BTBD3: variants seen among roughly 807,000 people sequenced by gnomAD.
The protein encoded by BTBD3 is BTB/POZ domain-containing protein 3.
Under a neutral mutation model 41.6 loss-of-function variants are expected in BTBD3, and 14 were observed. The observed-to-expected ratio is 0.34, with a 90% CI of 0.22 to 0.53. The LOEUF (loss-of-function observed/expected upper bound fraction) is 0.53, where lower values mean the gene tolerates loss of function less well. Among genes scored for constraint, BTBD3 ranks in the 20% least tolerant of loss-of-function variants. The pLI is 0.95. For missense variants in BTBD3, 426 were observed against 654.7 expected (o/e 0.65, Z 3.81); for synonymous variants, 249 against 233.7 (o/e 1.07, Z -0.60).
Position 11,923,269 on chromosome 20 carries a change from G to C in BTBD3, c.1172G>C (p.Arg391Pro), listed in dbSNP as rs368565346. 1 of 1,614,204 alleles carries C rather than the reference G, an allele frequency of 6.2e-7. No homozygotes were observed. The highest frequency in any genetic ancestry group is 1.3e-5 in the African/African-American group (1 of 75,054). The change falls in exon 4 of 4, where the codon CGT (arginine) becomes CCT (proline). Residue 391 changes from arginine (R) to proline (P), a missense_variant. Physicochemically the swap from Arg to Pro is moderately radical, Grantham distance 103 (BLOSUM62 -2). Around this residue, in one of 3 missense-constraint regions of BTBD3, gnomAD observed 321 missense variants for 534.8 expected, o/e 0.60. Coordinates refer to ENST00000378226, the MANE Select transcript of BTBD3 (RefSeq NM_014962.4). The surrounding 1 kb of genome is among the most constrained non-coding windows in gnomAD (Gnocchi z 5.3). ...CAYRSNQWRY[R>P]GRCDSIQFAV... ...TATCGAAGCAACCAATGGCGCTATC[G>C]TGGTCGCTGTGACAGCATCCAGTTT...
chr20:11,893,626 T>G (rs1447966487), intron 1 of BTBD3, among the ~76,000 whole-genome samples: 1 of 152,262 alleles, frequency 6.6e-6, no homozygotes, highest in Non-Finnish European at 1.5e-5. Flanking sequence ...GTCCTTTGTT[T>G]ATTCAAATTA....
chr20:11,914,539 G>T (rs1353317857), upstream of BTBD3, among the ~76,000 whole-genome samples: 1 of 151,730 alleles, frequency 6.6e-6, no homozygotes, highest in Non-Finnish European at 1.5e-5. Context: ...CTGAATTCTT[G>T]ATAGAAAATA....
chr20:11,906,949 T>A (rs2056858569), intron 1 of BTBD3, among the ~76,000 whole-genome samples: 1 of 152,194 alleles, frequency 6.6e-6, no homozygotes, highest in Non-Finnish European at 1.5e-5. Context: ...TTTTTTTGGA[T>A]TATTCATGTG....
chr20:11,902,922 T>C (rs1359319752), intron 1 of BTBD3, among the ~76,000 whole-genome samples: 1 of 152,152 alleles, frequency 6.6e-6, no homozygotes, highest in African/African-American at 2.4e-5. Context: ...TCAATATATC[T>C]AGGCTGTGCA....
In BTBD3 at chr20:11,923,695, C is replaced by G. The variant is rs781378759; in HGVS notation, c.*29C>G. 1 of 1,560,148 alleles carries G rather than the reference C, an allele frequency of 6.4e-7. No homozygotes were observed. The highest frequency in any genetic ancestry group is 8.7e-7 in the Non-Finnish European group (1 of 1,152,014). ...CTCACTTCCTGAAGCAGCTTGAGCTCCAAAGTGCACATCTGGTTCCAACTT... is the reference window on the plus strand; with the variant it reads ...CTCACTTCCTGAAGCAGCTTGAGCTGCAAAGTGCACATCTGGTTCCAACTT... On this transcript the variant is annotated 3_prime_UTR_variant, in exon 4 of 4. Coordinates refer to ENST00000378226, the MANE Select transcript of BTBD3 (RefSeq NM_014962.4). The surrounding 1 kb of genome is among the most constrained non-coding windows in gnomAD (Gnocchi z 5.3).
chr20:11,917,044 G>A (rs1410856776), upstream of BTBD3, among the ~76,000 whole-genome samples: 1 of 152,064 alleles, frequency 6.6e-6, no homozygotes, highest in Non-Finnish European at 1.5e-5. Context: ...ATTTTGAATA[G>A]CCTTGTTATT....
Position 11,918,457 on chromosome 20 carries a change from A to T in BTBD3, c.182A>T (p.Lys61Met). 6.2e-7 allele frequency: 1 copy of T among 1,614,228 alleles called. No individual in the cohort carries two copies. The highest frequency in any genetic ancestry group is 1.1e-5 in the South Asian group (1 of 91,086). ...ATTACCTTGAAGACTAAAAAGAAGA[A>T]GATGGCTGCTGATATATTCCCCCGT... ...EIITLKTKKK[K>M]MAADIFPRKK... Residue 61 changes from lysine to methionine, a missense_variant, in exon 1 of 4, where the codon AAG becomes ATG. By Grantham distance (95) the Lys-to-Met change is moderately conservative. Transcript: ENST00000378226.
rs2056933857 is a variant in BTBD3, at chr20:11,918,279, G to A, written c.4G>A (p.Val2Ile). 3 of 1,579,496 alleles carry A rather than the reference G, an allele frequency of 1.9e-6. No individual in the cohort carries two copies. The highest frequency in any genetic ancestry group is 2.7e-5 in the African/African-American group (2 of 73,452). Residue 2 changes from valine (V) to isoleucine (I), a missense_variant, in exon 1 of 4, where the codon GTA becomes ATA. Val to Ile is a conservative substitution (Grantham distance 29). Transcript: ENST00000378226. ...TAAAGAGAGACACACTGTACTCATG[G>A]TAGATGACAAGGAAAAGAACATGAA... M[V>I]DDKEKNMKCL...
Position 11,897,863 on chromosome 20 carries a change from C to T in BTBD3, c.-126+6909C>T, listed in dbSNP as rs185470899. ...GCCAGTGTTCTTATGATTCATAAAACCTTACATGATCTGGGCCGGGCATGG... is the reference window on the plus strand; with the variant it reads ...GCCAGTGTTCTTATGATTCATAAAATCTTACATGATCTGGGCCGGGCATGG... On this transcript the variant is annotated intron_variant, in intron 1 of 4. Transcript: ENST00000254977. Among the ~76,000 whole-genome samples, 1,173 of 152,256 alleles carry T rather than the reference C, an allele frequency of 7.7e-3. 9 individuals are homozygous for T. Among genetic ancestry groups the T allele is most frequent in the Non-Finnish European group, 0.011 (748 of 68,018 alleles).
Position 11,922,815 on chromosome 20 carries a change from C to T in BTBD3, c.718C>T (p.Leu240=). 1 of 1,614,228 alleles carries T rather than the reference C, an allele frequency of 6.2e-7. No homozygotes were observed. Residue 240 remains leucine (L), a synonymous_variant, in exon 4 of 4, where the codon CTG becomes TTG. Coordinates refer to ENST00000378226, the MANE Select transcript of BTBD3 (RefSeq NM_014962.4). ...SQSCLFEEPD[L]TQRCWEVIDA... The stretch of plus-strand genomic sequence containing the variant: ...GAGCTGCCTGTTCGAGGAGCCAGAC[C>T]TGACCCAGCGTTGCTGGGAGGTGAT...
intron 1 of BTBD3, among the ~76,000 whole-genome samples, chr20:11,900,071 C>G (rs996772555): frequency 3.9e-5 from 6 of 152,180 alleles, no homozygotes; most frequent in African/African-American, 7.2e-5. Context: ...TAAGAGCATT[C>G]CCCATATTTA....
chr20:11,919,284 GTTTCACTCGA>G (rs1294114703), intron 2 of BTBD3, 108 bp downstream of exon 2: 53 of 1,354,332 alleles, frequency 3.9e-5, no homozygotes, highest in Non-Finnish European at 5.2e-5. Flanking sequence ...GGCAGTGCAT[GTTTCACTCGA>G]TTAGGGAGAG....
intron 1 of BTBD3, among the ~76,000 whole-genome samples, chr20:11,904,676 T>C (rs2056843199): frequency 6.6e-6 from 1 of 152,200 alleles, no homozygotes; most frequent in South Asian, 2.1e-4. Context: ...TAAGTATTTA[T>C]TTAAAAATAA....
At chr20:11,894,704 A>G (rs1299165664) in intron 1 of BTBD3, among the ~76,000 whole-genome samples, 2 of 151,978 alleles carry the variant, frequency 1.3e-5, no homozygotes, top group Non-Finnish European at 2.9e-5. Context: ...AACCAATAAA[A>G]TATTTTTATT....
chr20:11,894,637 G>GT lies in BTBD3; in HGVS notation c.-126+3687dup, dbSNP rs768029432. Among the ~76,000 whole-genome samples the GT allele has an allele frequency of 3.4e-3, 500 of 147,998 alleles. 3 individuals are homozygous for GT. Among genetic ancestry groups the GT allele is most frequent in the African/African-American group, 9.9e-3 (404 of 40,648 alleles). On this transcript the variant is annotated intron_variant, in intron 1 of 4. Transcript: ENST00000254977. ...AGATTGAGTGTTTATCATGTTTTTA[G>GT]TTTTCTTTTTTTTCTTCTCCACAGG...
Position 11,919,740 on chromosome 20 carries a change from C to CT in BTBD3, c.441dup (p.Val148CysfsTer16). On this transcript the variant is annotated frameshift_variant, in exon 3 of 4. Transcript: ENST00000378226. LOFTEE classifies it high-confidence loss of function. The stretch of plus-strand genomic sequence containing the variant: ...CAGTATGTTTTAGCTGTTGGGAGCT[C>CT]TGTGTTCCATGCGATGTTTTACGGA... 6.2e-7 allele frequency: 1 copy of CT among 1,614,140 alleles called. No homozygotes were observed. Among genetic ancestry groups the CT allele is most frequent in the Non-Finnish European group, 8.5e-7 (1 of 1,180,020 alleles).
Position 11,926,367 on chromosome 20 carries a change from ATT to A in BTBD3, c.*2702_*2703del, listed in dbSNP as rs2057019516. 3.3e-5 allele frequency: 5 copies of A among 152,728 alleles called. No homozygotes were observed. The highest frequency in any genetic ancestry group is 2.6e-4 in the Admixed American group (4 of 15,306). 9.5% of individuals were successfully genotyped at this position (152,728 alleles called of 1,614,324 possible). A position where few individuals can be genotyped will look rare whatever the true frequency, so the allele number is the denominator to read the frequency against. The stretch of plus-strand genomic sequence containing the variant: ...ATTATTGCACTGAACTTTTTTGTTT[ATT>A]AAGGTGTTTAAATAAGCTCAGCTAA... On this transcript the variant is annotated 3_prime_UTR_variant, in exon 4 of 4. Coordinates refer to ENST00000378226, the MANE Select transcript of BTBD3 (RefSeq NM_014962.4).
chr20:11,922,385 A>T (rs2056977544), intron 3 of BTBD3, among the ~76,000 whole-genome samples: 1 of 152,224 alleles, frequency 6.6e-6, no homozygotes, highest in African/African-American at 2.4e-5. Flanking sequence ...CACTGAATGC[A>T]GCTTATAAAA....
chr20:11,904,987 CA>C (rs1351276348), intron 1 of BTBD3, among the ~76,000 whole-genome samples: 1 of 152,194 alleles, frequency 6.6e-6, no homozygotes, highest in Non-Finnish European at 1.5e-5. Flanking sequence ...CTGAGTTATG[CA>C]AATCTTTCAA....
Sources: gnomAD v4.1 joint callset for allele counts (sites outside exome capture counted in the v4.1 genomes callset) on GRCh38, gnomAD v4.1.1 for gene constraint, gnomAD v4.1.1 regional missense constraint, Gnocchi (gnomAD v3.1) non-coding constraint, MANE v1.5 for transcripts, NCBI Gene and HGNC (gene_info 2026-07-23, HGNC 2026-07-21) for gene names.